Variants in PDPR observed in about 807,000 individuals in gnomAD.
The protein encoded by PDPR is pyruvate dehydrogenase phosphatase regulatory subunit, also known as pyruvate dehydrogenase phosphatase regulatory subunit, mitochondrial.
Under a neutral mutation model 102.2 loss-of-function variants are expected in PDPR, and 50 were observed. That is an observed-to-expected ratio of 0.49 (90% CI 0.39 to 0.62). The LOEUF (loss-of-function observed/expected upper bound fraction) is 0.62. PDPR is among the 20% of genes least tolerant of loss of function. The probability of loss-of-function intolerance (pLI) is 0.00; values close to 1 mark genes in which losing one functional copy is unlikely to be tolerated. For missense variants in PDPR, 625 were observed against 1,098.2 expected (o/e 0.57, Z 6.09); for synonymous variants, 259 against 406.0 (o/e 0.64, Z 4.35).
chr16:70,120,381 C>G (rs1484457473), intron 2 of PDPR, 80 bp from the exon 3 acceptor site: 1 of 753,130 alleles, frequency 1.3e-6, no homozygotes, highest in Non-Finnish European at 2.2e-6. Context: ...GAATGGCTAT[C>G]GTTCTTTGTC....
Position 70,157,650 on chromosome 16 carries a change from A to T in PDPR, c.*771A>T, listed in dbSNP as rs1038568644. On this transcript the variant is annotated 3_prime_UTR_variant, in exon 19 of 19. Coordinates refer to ENST00000288050, the MANE Select transcript of PDPR (RefSeq NM_017990.5). ...AAACAAGTAAGCCACAGTGTTTGAA[A>T]GGGAAAAACCATATTGCCTTGTGTG... The T allele has an allele frequency of 5.9e-6, 1 of 170,022 alleles. No homozygotes were observed. The highest frequency in any genetic ancestry group is 1.3e-5 in the Non-Finnish European group (1 of 78,596). The allele number at this position is 170,022 out of a possible 1,614,324, so 10.5% of individuals were successfully genotyped here. A position where few individuals can be genotyped will look rare whatever the true frequency, so the allele number is the denominator to read the frequency against.
In PDPR at chr16:70,160,251, A is replaced by C. The variant is rs1452412323; in HGVS notation, c.*3372A>C. Reference sequence around the variant, plus strand: ...ATTGACTTCCATCTAAGCTTGCATCAGGAAGATGTTCCTTCTGTGATCATT... The same window carrying C: ...ATTGACTTCCATCTAAGCTTGCATCCGGAAGATGTTCCTTCTGTGATCATT... On this transcript the variant is annotated 3_prime_UTR_variant, in exon 19 of 19. Coordinates refer to ENST00000288050, the MANE Select transcript of PDPR (RefSeq NM_017990.5). The C allele has an allele frequency of 6.6e-6, 1 of 152,628 alleles. No homozygotes were observed. The highest frequency in any genetic ancestry group is 2.4e-5 in the African/African-American group (1 of 41,480). 9.5% of individuals were successfully genotyped at this position (152,628 alleles called of 1,614,324 possible).
intron 2 of PDPR, among the ~76,000 whole-genome samples, chr16:70,118,497 A>T (rs1962885909): frequency 6.6e-6 from 1 of 152,272 alleles, no homozygotes; most frequent in South Asian, 2.1e-4. Flanking sequence ...CACGGGTCAG[A>T]AGCCAGGAGG....
chr16:70,124,775 C>G (rs1398223078), intron 3 of PDPR, among the ~76,000 whole-genome samples: 1 of 152,194 alleles, frequency 6.6e-6, no homozygotes, highest in African/African-American at 2.4e-5. Flanking sequence ...AGAAAAATCT[C>G]TTTAGGGAGC....
intron 6 of PDPR, among the ~76,000 whole-genome samples, chr16:70,129,529 A>G (rs1294100351): frequency 3.9e-5 from 6 of 152,276 alleles, no homozygotes; most frequent in African/African-American, 2.4e-5. Flanking sequence ...GTGTATTTTT[A>G]GTAGAGACGG....
Position 70,156,732 on chromosome 16 carries a change from A to T in PDPR, c.2493A>T (p.Thr831=), listed in dbSNP as rs1359226981. 1 of 1,613,950 alleles carries T rather than the reference A, an allele frequency of 6.2e-7. No homozygotes were observed. Residue 831 remains threonine, a synonymous_variant, in exon 19 of 19, where the codon ACA becomes ACT. Transcript: ENST00000288050. The part of the protein sequence containing the change: ...SEDTGEEQVV[T]ADFINRGEYE... ...ACACGGGGGAAGAGCAAGTGGTGAC[A>T]GCAGATTTCATCAACCGGGGAGAGT... is the stretch of plus-strand genomic sequence containing the variant.
chr16:70,131,845 C>G, intron 8 of PDPR: 1 of 1,414,500 alleles, frequency 7.1e-7, no homozygotes, highest in Non-Finnish European at 9.3e-7. Context: ...ACCCCCCTCT[C>G]TGTTAAACTT....
intron 2 of PDPR, among the ~76,000 whole-genome samples, chr16:70,119,924 G>GT (rs1173464927): frequency 6.7e-4 from 96 of 143,884 alleles, no homozygotes; most frequent in Middle Eastern, 3.6e-3. Flanking sequence ...TTGTTTGTTT[G>GT]TTTTTTTTTT....
In PDPR at chr16:70,114,690, C is replaced by T. The variant is rs1962457653; in HGVS notation, c.-142-131C>T. 3 of 152,432 alleles carry T rather than the reference C, an allele frequency of 2.0e-5. No individual in the cohort carries two copies. The South Asian group carries it at 6.2e-4, about 32-fold the overall frequency. 9.4% of individuals were successfully genotyped at this position (152,432 alleles called of 1,614,324 possible). A position where few individuals can be genotyped will look rare whatever the true frequency, so the allele number is the denominator to read the frequency against. On this transcript the variant is annotated intron_variant, in intron 1 of 18. Coordinates refer to ENST00000288050, the MANE Select transcript of PDPR (RefSeq NM_017990.5). ...ACCCCTGGGCGTGCGCACCGCTCCT[C>T]CAGGAGCCTGCACTTCAGCCCCGAT...
rs1452308310 is a variant in PDPR, at chr16:70,157,910, G to A, written c.*1031G>A. The A allele has an allele frequency of 3.9e-5, 6 of 154,972 alleles. No homozygotes were observed. The South Asian group carries it at 8.2e-4, about 21-fold the overall frequency. The allele number at this position is 154,972 out of a possible 1,614,324, so 9.6% of individuals were successfully genotyped here. ...GAATAGGGAGGGGAAGGGATCAGGT[G>A]TGTTGTCCTGGGCCTTTCAACCTTG... On this transcript the variant is annotated 3_prime_UTR_variant, in exon 19 of 19. Coordinates refer to ENST00000288050, the MANE Select transcript of PDPR (RefSeq NM_017990.5).
chr16:70,137,602 G>A (rs1296899479), intron 10 of PDPR, among the ~76,000 whole-genome samples: 1 of 152,266 alleles, frequency 6.6e-6, no homozygotes, highest in Non-Finnish European at 1.5e-5. Context: ...TTACACCGCA[G>A]TGTGAATGTA....
rs768602925 is a variant in PDPR, at chr16:70,146,189, C to T, written c.1923C>T (p.Ala641=). Residue 641 remains alanine (A), a synonymous_variant, in exon 16 of 19, where the codon GCC becomes GCT. Transcript: ENST00000288050. ...ATGTGCTGTCTGAGTTGTCCTATGC[C>T]CCTATGACTCCAGACCACTTCCCAA... The part of the protein sequence containing the change: ...AVDVLSELSY[A]PMTPDHFPSL... 2 of 1,613,742 alleles carry T rather than the reference C, an allele frequency of 1.2e-6. No homozygotes were observed. The highest frequency in any genetic ancestry group is 1.7e-6 in the Non-Finnish European group (2 of 1,179,826).
chr16:70,129,096 C>G lies in PDPR; in HGVS notation c.581C>G (p.Ala194Gly). The G allele has an allele frequency of 1.2e-6, 2 of 1,613,892 alleles. No homozygotes were observed. The highest frequency in any genetic ancestry group is 1.7e-4 in the Middle Eastern group (1 of 6,054). The change falls in exon 6 of 19, where the codon GCC becomes GGC. Residue 194 changes from alanine (A) to glycine (G), a missense_variant. Ala to Gly is a moderately conservative substitution (Grantham distance 60, BLOSUM62 0). Coordinates refer to ENST00000288050, the MANE Select transcript of PDPR (RefSeq NM_017990.5). ...GTGTCTTCCGCTGACGTGGCTCTTG[C>G]CCTGGCAAGTGCTGCCTCCCAAAAT... ...AVVSSADVAL[A>G]LASAASQNGV...
At chr16:70,151,687 C>G (rs1404945353) in intron 17 of PDPR, among the ~76,000 whole-genome samples, 1 of 152,266 alleles carries the variant, frequency 6.6e-6, no homozygotes, top group African/African-American at 2.4e-5. Flanking sequence ...TTGGTTTCAG[C>G]TTTCTGATTT....
rs1462061535 is a variant in PDPR, at chr16:70,130,395, C to T, written c.608-28C>T. 3.1e-6 allele frequency: 5 copies of T among 1,611,662 alleles called. No homozygotes were observed. In the Middle Eastern group the frequency reaches 5.0e-4, roughly 160 times the overall value. ...CTTCATTCTGGAACATCAGATGAAA[C>T]ACCAACTCTTTCTTTACCTTGGAAC... is the stretch of plus-strand genomic sequence containing the variant. On this transcript the variant is annotated intron_variant, in intron 6 of 18. Coordinates refer to ENST00000288050, the MANE Select transcript of PDPR (RefSeq NM_017990.5).
In PDPR at chr16:70,130,558, A is replaced by AGG; in HGVS notation, c.729+14_729+15insGG. Reference sequence around the variant, plus strand: ...TGTGCTGGCCAGGTAGGTCAGCACCAACACTGCTGTTCTTATTTAACGTTT... The same window carrying AGG: ...TGTGCTGGCCAGGTAGGTCAGCACCAGGACACTGCTGTTCTTATTTAACGTTT... On this transcript the variant is annotated intron_variant, in intron 7 of 18. Coordinates refer to ENST00000288050, the MANE Select transcript of PDPR (RefSeq NM_017990.5). 1 of 1,613,574 alleles carries AGG rather than the reference A, an allele frequency of 6.2e-7. No individual in the cohort carries two copies. The highest frequency in any genetic ancestry group is 2.2e-5 in the East Asian group (1 of 44,888).
chr16:70,120,702 C>A lies in PDPR; in HGVS notation c.210C>A (p.Val70=), dbSNP rs374317165. 29 of 1,611,786 alleles carry A rather than the reference C, an allele frequency of 1.8e-5. No individual in the cohort carries two copies. The highest frequency in any genetic ancestry group is 2.4e-5 in the Non-Finnish European group (28 of 1,178,052). The change falls in exon 3 of 19, where the codon GTC becomes GTA. Residue 70 remains valine, a synonymous_variant. Coordinates refer to ENST00000288050, the MANE Select transcript of PDPR (RefSeq NM_017990.5). ...HLSKMGWKDI[V]LLEQGRLAAG... Reference sequence around the variant, plus strand: ...CCAAAATGGGGTGGAAGGATATTGTCCTTTTGGAGCAGGGCAGGTAAGGAT... The same window carrying A: ...CCAAAATGGGGTGGAAGGATATTGTACTTTTGGAGCAGGGCAGGTAAGGAT...
In PDPR at chr16:70,158,249, A is replaced by C. The variant is rs1222516453; in HGVS notation, c.*1370A>C. The C allele has an allele frequency of 6.6e-6, 1 of 152,438 alleles. No homozygotes were observed. 9.4% of individuals were successfully genotyped at this position (152,438 alleles called of 1,614,324 possible). A position where few individuals can be genotyped will look rare whatever the true frequency, so the allele number is the denominator to read the frequency against. ...GACTGTTGTCCAGCCTCAATGCTTC[A>C]TTTTCCCCTTGCATATCAACTGCCC... On this transcript the variant is annotated 3_prime_UTR_variant, in exon 19 of 19. Transcript: ENST00000288050.
chr16:70,156,106 G>A (rs1273192865), intron 18 of PDPR, among the ~76,000 whole-genome samples: 4 of 152,272 alleles, frequency 2.6e-5, no homozygotes, highest in African/African-American at 4.8e-5. Context: ...TGTTCAAGGC[G>A]TGAGCCACCA....
Sources: allele counts gnomAD v4.1 joint callset (sites outside exome capture counted in the v4.1 genomes callset), GRCh38; gene constraint gnomAD v4.1.1; transcripts MANE v1.5; gene names NCBI Gene and HGNC (gene_info 2026-07-23, HGNC 2026-07-21).